NFKBIE: variants seen among roughly 807,000 people sequenced by gnomAD.
The protein encoded by NFKBIE is NFKB inhibitor epsilon.
A neutral mutation model predicts 31.6 loss-of-function variants in NFKBIE; 11 were observed. The ratio of observed to expected loss-of-function variants is 0.35; its 90% confidence interval spans 0.22 to 0.58. NFKBIE has a LOEUF of 0.58. Ranked by LOEUF, NFKBIE falls within the 20% of genes least tolerant of loss-of-function variation. NFKBIE has a pLI of 0.83. For missense variants in NFKBIE, 354 were observed against 465.7 expected (o/e 0.76, Z 2.21); for synonymous variants, 208 against 210.1 (o/e 0.99, Z 0.09).
In NFKBIE at chr6:44,263,461, AG is replaced by A. The variant is rs1218215734; in HGVS notation, c.366-800del. On this transcript the variant is annotated intron_variant, in intron 1 of 5. Coordinates refer to ENST00000619360, the MANE Select transcript of NFKBIE (RefSeq NM_004556.3). The surrounding 1 kb of genome is among the most constrained non-coding windows in gnomAD (Gnocchi z 5.0). ...GGACAGCTGCCTTGGGGCATTAGTG[AG>A]GGGGGTAGATTGGCTAAAAGGCCCG... is the stretch of plus-strand genomic sequence containing the variant. 7.5e-6 allele frequency among the ~76,000 whole-genome samples: 1 copy of A among 132,664 alleles called. No homozygotes were observed. Among genetic ancestry groups the A allele is most frequent in the Non-Finnish European group, 1.6e-5 (1 of 61,596 alleles). The allele number at this position is 132,664 out of a possible 152,430, so 87.0% of individuals were successfully genotyped here. A position where few individuals can be genotyped will look rare whatever the true frequency, so the allele number is the denominator to read the frequency against.
At position 44,260,826 on chromosome 6, in the gene NFKBIE, A is replaced by AACACACACACACACACACACACACACAC. The variant is rs369958691; in HGVS notation, c.692-315_692-288dup. Among the ~76,000 whole-genome samples the AACACACACACACACACACACACACACAC allele has an allele frequency of 1.7e-5, 2 of 119,120 alleles. No homozygotes were observed. Among genetic ancestry groups the AACACACACACACACACACACACACACAC allele is most frequent in the Admixed American group, 9.1e-5 (1 of 10,982 alleles). The allele number at this position is 119,120 out of a possible 152,430, so 78.1% of individuals were successfully genotyped here. ...CACCCTCCTCCTATACACAAACTACAACACACACACACACACACACACACA... is the reference window on the plus strand; with the variant it reads ...CACCCTCCTCCTATACACAAACTACAACACACACACACACACACACACACACACACACACACACACACACACACACACA... On this transcript the variant is annotated intron_variant, in intron 3 of 5. Coordinates refer to ENST00000619360, the MANE Select transcript of NFKBIE (RefSeq NM_004556.3). The surrounding 1 kb of genome is among the most constrained non-coding windows in gnomAD (Gnocchi z 5.5).
chr6:44,265,432 G>A lies in NFKBIE; in HGVS notation c.-86C>T, dbSNP rs1448590636. The A allele has an allele frequency of 2.0e-6, 3 of 1,526,496 alleles. No homozygotes were observed. In the East Asian group the frequency reaches 7.7e-5, roughly 39 times the overall value. The allele number at this position is 1,526,496 out of a possible 1,614,324, so 94.6% of individuals were successfully genotyped here. ...CGCCGCCTTTCCGGGTTGCGGGTCCGCTTGGCAGAGCGGGCGCCCGGCCCG... is the reference window on the plus strand; with the variant it reads ...CGCCGCCTTTCCGGGTTGCGGGTCCACTTGGCAGAGCGGGCGCCCGGCCCG... On this transcript the variant is annotated 5_prime_UTR_variant, in exon 1 of 6. Coordinates refer to ENST00000619360, the MANE Select transcript of NFKBIE (RefSeq NM_004556.3).
In NFKBIE at chr6:44,258,980, C is replaced by T; in HGVS notation, c.*239G>A. ...CAGGCTTCACCCAGGATACCTGGGGCTTTGGGGGTCTTCCAAGAAGCCCTG... is the reference window on the plus strand; with the variant it reads ...CAGGCTTCACCCAGGATACCTGGGGTTTTGGGGGTCTTCCAAGAAGCCCTG... On this transcript the variant is annotated 3_prime_UTR_variant, in exon 6 of 6. Coordinates refer to ENST00000619360, the MANE Select transcript of NFKBIE (RefSeq NM_004556.3). 2.5e-6 allele frequency: 1 copy of T among 393,154 alleles called. No homozygotes were observed. Among genetic ancestry groups the T allele is most frequent in the South Asian group, 3.0e-5 (1 of 33,268 alleles). The allele number at this position is 393,154 out of a possible 1,614,324, so 24.4% of individuals were successfully genotyped here.
rs1200775756 is a variant in NFKBIE at position 44,260,431 on chromosome 6, T to C, written c.780+20A>G. The C allele has an allele frequency of 1.2e-6, 2 of 1,614,008 alleles. No homozygotes were observed. The highest frequency in any genetic ancestry group is 2.7e-5 in the African/African-American group (2 of 74,916). Reference sequence around the variant, plus strand: ...TGGGGGCAGGCCCTGGGCCGGGCAGTGCTTTGCTGGCTGTCTCACCTGCAC... The same window carrying C: ...TGGGGGCAGGCCCTGGGCCGGGCAGCGCTTTGCTGGCTGTCTCACCTGCAC... On this transcript the variant is annotated intron_variant, in intron 4 of 5. Coordinates refer to ENST00000619360, the MANE Select transcript of NFKBIE (RefSeq NM_004556.3). This position sits in a 1 kb window ranked among gnomAD's most constrained non-coding sequence, Gnocchi z 5.5.
rs772030461 is a variant in NFKBIE at position 44,265,011 on chromosome 6, T to G, written c.336A>C (p.Ala112=). 2.5e-6 allele frequency: 4 copies of G among 1,583,546 alleles called. No homozygotes were observed. Among genetic ancestry groups the G allele is most frequent in the African/African-American group, 1.3e-5 (1 of 74,754 alleles). The change falls in exon 1 of 6, where the codon GCA becomes GCC. Residue 112 remains alanine, a synonymous_variant. Coordinates refer to ENST00000619360, the MANE Select transcript of NFKBIE (RefSeq NM_004556.3). The part of the protein sequence containing the change: ...VGALSPQQLE[A]LTYISEDGDT... ...CTCCGTCCTCGGAGATGTAAGTGAG[T>G]GCTTCCAGCTGCTGAGGGCTCAGCG...
Position 44,265,035 on chromosome 6 carries a change from C to T in NFKBIE, c.312G>A (p.Ala104=). 1 of 1,585,114 alleles carries T rather than the reference C, an allele frequency of 6.3e-7. No homozygotes were observed. The change falls in exon 1 of 6, where the codon GCG becomes GCA. Residue 104 remains alanine (A), a synonymous_variant. Coordinates refer to ENST00000619360, the MANE Select transcript of NFKBIE (RefSeq NM_004556.3). ...GTGCTTCCAGCTGCTGAGGGCTCAG[C>T]GCCCCCACGTGGGGGAGTGGCAGGC... The part of the protein sequence containing the change: ...APRLPLPHVG[A]LSPQQLEALT...
At position 44,260,872 on chromosome 6, in the gene NFKBIE, C is replaced by CAT. The variant is rs1246061656; in HGVS notation, c.692-334_692-333insAT. The stretch of plus-strand genomic sequence containing the variant: ...ACACACACATACAGACACACACACA[C>CAT]ACACACACACACACACACAACCTGC... On this transcript the variant is annotated intron_variant, in intron 3 of 5. Transcript: ENST00000619360. The surrounding 1 kb of genome is among the most constrained non-coding windows in gnomAD (Gnocchi z 5.5). Among the ~76,000 whole-genome samples, 1 of 135,816 alleles carries CAT rather than the reference C, an allele frequency of 7.4e-6. No individual in the cohort carries two copies. Among genetic ancestry groups the CAT allele is most frequent in the Non-Finnish European group, 1.7e-5 (1 of 59,894 alleles). The allele number at this position is 135,816 out of a possible 152,430, so 89.1% of individuals were successfully genotyped here.
intron 1 of NFKBIE, among the ~76,000 whole-genome samples, chr6:44,264,673 CAAG>C (rs35302775): frequency 0.037 from 5,678 of 152,254 alleles, 195 homozygotes; most frequent in East Asian, 0.17. Context: ...CCTTCCCCAG[CAAG>C]AAGAAACAAA....
At position 44,261,631 on chromosome 6, in the gene NFKBIE, C is replaced by T. The variant is rs1459696127; in HGVS notation, c.686G>A (p.Trp229Ter). 2 of 1,614,078 alleles carry T rather than the reference C, an allele frequency of 1.2e-6. No homozygotes were observed. Among genetic ancestry groups the T allele is most frequent in the Non-Finnish European group, 1.7e-6 (2 of 1,179,994 alleles). ...GTCTTAAAGACTGTCCACACCTTGC[C>T]AGTTTTGCAGCTGGAGGTCCAGAGA... ...SHSLDLQLQN[W>*]QGLACLHIAT... Residue 229 changes from tryptophan (W) to a stop codon, truncating the protein, a stop_gained, in exon 3 of 6, where the codon TGG becomes TAG. Coordinates refer to ENST00000619360, the MANE Select transcript of NFKBIE (RefSeq NM_004556.3). LOFTEE classifies it high-confidence loss of function. This position sits in a 1 kb window ranked among gnomAD's most constrained non-coding sequence, Gnocchi z 4.3.
Position 44,265,108 on chromosome 6 carries a change from T to A in NFKBIE, c.239A>T (p.Tyr80Phe). The change falls in exon 1 of 6, where the codon TAC becomes TTC. Residue 80 changes from tyrosine (Y) to phenylalanine (F), a missense_variant. Tyr to Phe is a conservative substitution (Grantham distance 22). This residue lies in a region of NFKBIE where 171 missense variants were observed against 155.1 expected (regional missense o/e 1.10). Coordinates refer to ENST00000619360, the MANE Select transcript of NFKBIE (RefSeq NM_004556.3). ...DSTYGSSSLT[Y>F]TLSLLGGPEA... ...GGGGCCCCCCAGCAAGGACAGGGTG[T>A]AGGTGAGCGAGGAGGAGCCATAGGT... 1 of 1,555,242 alleles carries A rather than the reference T, an allele frequency of 6.4e-7. No individual in the cohort carries two copies. Among genetic ancestry groups the A allele is most frequent in the Non-Finnish European group, 8.7e-7 (1 of 1,148,496 alleles).
chr6:44,264,320 G>A (rs993223785), intron 1 of NFKBIE, among the ~76,000 whole-genome samples: 1 of 152,248 alleles, frequency 6.6e-6, no homozygotes, highest in Non-Finnish European at 1.5e-5. Context: ...GAGGAGGAAG[G>A]GTTAAGTGAG....
Position 44,260,354 on chromosome 6 carries a change from G to C in NFKBIE, c.781-72C>G. On this transcript the variant is annotated intron_variant, in intron 4 of 5. Transcript: ENST00000619360. The surrounding 1 kb of genome is among the most constrained non-coding windows in gnomAD (Gnocchi z 5.5). ...CTGGGCCTGGGCTCTGGATAAGGAAGTGAATGCCACCACTTCTGACTGCTG... is the reference window on the plus strand; with the variant it reads ...CTGGGCCTGGGCTCTGGATAAGGAACTGAATGCCACCACTTCTGACTGCTG... 1 of 1,611,292 alleles carries C rather than the reference G, an allele frequency of 6.2e-7. No individual in the cohort carries two copies. Among genetic ancestry groups the C allele is most frequent in the Non-Finnish European group, 8.5e-7 (1 of 1,177,798 alleles).
Position 44,259,234 on chromosome 6 carries a change from C to A in NFKBIE, c.1071G>T (p.Leu357=). ...CTGCCTGGCTTCAGTCGGTACACAG[C>A]AGCAGTTTCCCTGAGATCTTCAGGT... ...FDDLKISGKL[L]LCTD Residue 357 remains leucine, a synonymous_variant, in exon 6 of 6, where the codon CTG becomes CTT. Transcript: ENST00000619360. 6.2e-7 allele frequency: 1 copy of A among 1,613,676 alleles called. No homozygotes were observed. The highest frequency in any genetic ancestry group is 8.5e-7 in the Non-Finnish European group (1 of 1,179,754).
rs903879152 is a variant in NFKBIE, at chr6:44,261,536, G to A, written c.691+90C>T. 1.1e-5 allele frequency: 15 copies of A among 1,378,406 alleles called. No homozygotes were observed. Among genetic ancestry groups the A allele is most frequent in the African/African-American group, 1.4e-5 (1 of 70,418 alleles). The allele number at this position is 1,378,406 out of a possible 1,614,324, so 85.4% of individuals were successfully genotyped here. On this transcript the variant is annotated intron_variant, in intron 3 of 5. Transcript: ENST00000619360. This position sits in a 1 kb window ranked among gnomAD's most constrained non-coding sequence, Gnocchi z 4.3. ...GGGAGGGGCACCAATGGACAAGCTG[G>A]GACCCTCCCTTCCCCAAGAGTGAGG...
In NFKBIE at chr6:44,260,359, T is replaced by G; in HGVS notation, c.781-77A>C. 6.2e-7 allele frequency: 1 copy of G among 1,611,070 alleles called. No homozygotes were observed. The highest frequency in any genetic ancestry group is 8.5e-7 in the Non-Finnish European group (1 of 1,177,582). On this transcript the variant is annotated intron_variant, in intron 4 of 5. Transcript: ENST00000619360. This position sits in a 1 kb window ranked among gnomAD's most constrained non-coding sequence, Gnocchi z 5.5. ...CCTGGGCTCTGGATAAGGAAGTGAATGCCACCACTTCTGACTGCTGGGCAG... is the reference window on the plus strand; with the variant it reads ...CCTGGGCTCTGGATAAGGAAGTGAAGGCCACCACTTCTGACTGCTGGGCAG...
chr6:44,265,021 T>C lies in NFKBIE; in HGVS notation c.326A>G (p.Gln109Arg). The part of the protein sequence containing the change: ...LPHVGALSPQ[Q>R]LEALTYISED... ...GGAGATGTAAGTGAGTGCTTCCAGC[T>C]GCTGAGGGCTCAGCGCCCCCACGTG... The change falls in exon 1 of 6, where the codon CAG becomes CGG. Residue 109 changes from glutamine (Q) to arginine (R), a missense_variant. Gln to Arg is a conservative substitution (Grantham distance 43, BLOSUM62 1). This residue lies in a region of NFKBIE where 171 missense variants were observed against 155.1 expected (regional missense o/e 1.10). Coordinates refer to ENST00000619360, the MANE Select transcript of NFKBIE (RefSeq NM_004556.3). The C allele has an allele frequency of 1.3e-6, 2 of 1,585,648 alleles. No homozygotes were observed. Among genetic ancestry groups the C allele is most frequent in the Non-Finnish European group, 1.7e-6 (2 of 1,166,136 alleles).
At position 44,261,302 on chromosome 6, in the gene NFKBIE, C is replaced by T. The variant is rs1202885656; in HGVS notation, c.691+324G>A. Among the ~76,000 whole-genome samples the T allele has an allele frequency of 6.6e-6, 1 of 152,194 alleles. No individual in the cohort carries two copies. Among genetic ancestry groups the T allele is most frequent in the Non-Finnish European group, 1.5e-5 (1 of 68,030 alleles). ...ATTTTGCACACAGATGCAAGTGTAG[C>T]TCCTAGGATAACGTCTGGCACATAG... On this transcript the variant is annotated intron_variant, in intron 3 of 5. Coordinates refer to ENST00000619360, the MANE Select transcript of NFKBIE (RefSeq NM_004556.3). This position sits in a 1 kb window ranked among gnomAD's most constrained non-coding sequence, Gnocchi z 4.3.
Position 44,261,658 on chromosome 6 carries a change from T to C in NFKBIE, c.659A>G (p.His220Arg). 6.2e-7 allele frequency: 1 copy of C among 1,611,738 alleles called. No homozygotes were observed. Residue 220 changes from histidine (H) to arginine (R), a missense_variant, in exon 3 of 6, where the codon CAC (histidine) becomes CGC (arginine). Physicochemically the swap from His to Arg is conservative, Grantham distance 29 (BLOSUM62 0). This residue lies in a region of NFKBIE where 183 missense variants were observed against 310.6 expected (regional missense o/e 0.59). Transcript: ENST00000619360. The surrounding 1 kb of genome is among the most constrained non-coding windows in gnomAD (Gnocchi z 4.3). The part of the protein sequence containing the change: ...GRPEPGRGTS[H>R]SLDLQLQNWQ... The stretch of plus-strand genomic sequence containing the variant: ...GTTTTGCAGCTGGAGGTCCAGAGAG[T>C]GAGATGTTCCTCTGCCTGGCTCTGG...
At position 44,263,622 on chromosome 6, in the gene NFKBIE, G is replaced by A. The variant is rs763663583; in HGVS notation, c.366-960C>T. Among the ~76,000 whole-genome samples the A allele has an allele frequency of 1.3e-5, 2 of 152,094 alleles. No homozygotes were observed. The highest frequency in any genetic ancestry group is 2.9e-5 in the Non-Finnish European group (2 of 67,976). ...CCCCTAGGCCAGGGCCTGCTCTCTG[G>A]GTCACATTCTTGCAGCCACCTCCCT... is the stretch of plus-strand genomic sequence containing the variant. On this transcript the variant is annotated intron_variant, in intron 1 of 5. Transcript: ENST00000619360. This position sits in a 1 kb window ranked among gnomAD's most constrained non-coding sequence, Gnocchi z 5.0.
Sources: gnomAD v4.1 joint callset for allele counts (sites outside exome capture counted in the v4.1 genomes callset) on GRCh38, gnomAD v4.1.1 for gene constraint, gnomAD v4.1.1 regional missense constraint, Gnocchi (gnomAD v3.1) non-coding constraint, MANE v1.5 for transcripts, NCBI Gene and HGNC (gene_info 2026-07-23, HGNC 2026-07-21) for gene names.